SRPX: variants seen among roughly 807,000 people sequenced by gnomAD.
SRPX encodes the protein sushi repeat-containing protein SRPX.
In SRPX, 24 loss-of-function variants were observed where a neutral mutation model predicts 38.1. The observed-to-expected ratio is 0.63, with a 90% CI of 0.46 to 0.89. SRPX has a LOEUF of 0.89. SRPX is among the 40% of genes least tolerant of loss of function. SRPX has a pLI of 0.00. For missense variants in SRPX, 416 were observed against 377.8 expected, an observed-to-expected ratio of 1.10 and a Z score of -0.84; for synonymous variants, 184 against 153.8, an observed-to-expected ratio of 1.20 and a Z score of -1.45.
chrX:38,211,884 AC>A (rs1289323770), intron 1 of SRPX, among the ~76,000 whole-genome samples: 1 of 110,604 alleles, frequency 9.0e-6, no homozygotes, highest in Non-Finnish European at 1.9e-5. Context: ...TTCCTGACTA[AC>A]CCACTGGTCT....
intron 1 of SRPX, among the ~76,000 whole-genome samples, chrX:38,194,863 G>GTTTTTTTTTTTTT (rs35179239): frequency 1.9e-5 from 1 of 53,667 alleles, no homozygotes. Context: ...TTTGTTTTTG[G>GTTTTTTTTTTTTT]TTTTTTTTTT....
intron 1 of SRPX, among the ~76,000 whole-genome samples, chrX:38,181,271 T>G (rs1938667514): frequency 1.8e-5 from 2 of 112,243 alleles, no homozygotes; most frequent in African/African-American, 6.5e-5. Flanking sequence ...CATGGGCAGA[T>G]AGCCCAGCAG....
intron 1 of SRPX, among the ~76,000 whole-genome samples, chrX:38,216,596 T>A (rs1344161831): frequency 2.7e-5 from 3 of 112,501 alleles, no homozygotes; most frequent in African/African-American, 9.7e-5. Flanking sequence ...AATTGGAAGT[T>A]GGGAGAGGTT....
intron 2 of SRPX, among the ~76,000 whole-genome samples, chrX:38,175,126 C>T (rs1938544736): frequency 8.9e-6 from 1 of 112,131 alleles, no homozygotes; most frequent in Admixed American, 9.4e-5. Context: ...GAAATGTTCT[C>T]TTTGAGATCC....
intron 1 of SRPX, among the ~76,000 whole-genome samples, chrX:38,186,729 G>T (rs1455214610): frequency 1.8e-5 from 2 of 111,577 alleles, no homozygotes; most frequent in African/African-American, 6.5e-5. Context: ...GTCCTCAGCT[G>T]ATAGGAGCCA....
chrX:38,190,633 C>T (rs1465001760), intron 1 of SRPX, among the ~76,000 whole-genome samples: 1 of 111,437 alleles, frequency 9.0e-6, no homozygotes, highest in Non-Finnish European at 1.9e-5. Context: ...GACTCAAGCT[C>T]TAGTGGGAAA....
At chrX:38,213,253 G>C (rs1465470319) in intron 1 of SRPX, among the ~76,000 whole-genome samples, 1 of 111,690 alleles carries the variant, frequency 9.0e-6, no homozygotes, top group Admixed American at 9.5e-5. Context: ...TATTTGGGGG[G>C]CAATGAAAAC....
chrX:38,171,750 G>T, intron 4 of SRPX, 131 bp downstream of exon 4: 1 of 598,643 alleles, frequency 1.7e-6, no homozygotes, highest in Non-Finnish European at 2.6e-6. Context: ...AACCAGTGAT[G>T]CTACTGAGAG....
At chrX:38,170,683 C>A (rs1018005231) in intron 4 of SRPX, among the ~76,000 whole-genome samples, 1 of 111,893 alleles carries the variant, frequency 8.9e-6, no homozygotes, top group Non-Finnish European at 1.9e-5. Context: ...AGGTTCCAGG[C>A]GCATCTGGTC....
intron 1 of SRPX, among the ~76,000 whole-genome samples, chrX:38,196,871 T>A (rs940137552): frequency 5.4e-5 from 6 of 111,717 alleles, no homozygotes; most frequent in African/African-American, 1.6e-4. Context: ...GACTCCTGCC[T>A]TTTTTTTGGC....
At chrX:38,171,790 G>C (rs1938474565) in intron 4 of SRPX, 91 bp downstream of exon 4, 1 of 952,402 alleles carries the variant, frequency 1.0e-6, no homozygotes, top group Non-Finnish European at 1.5e-6. Flanking sequence ...CTTACAGGAG[G>C]AATAGTGATG....
At chrX:38,164,301 C>A (rs1257549104) in intron 5 of SRPX, among the ~76,000 whole-genome samples, 1 of 110,060 alleles carries the variant, frequency 9.1e-6, no homozygotes, top group Non-Finnish European at 1.9e-5. Flanking sequence ...TGCCACCATG[C>A]CTGGCTAATT....
intron 4 of SRPX, among the ~76,000 whole-genome samples, chrX:38,171,101 T>C (rs1397482866): frequency 1.8e-5 from 2 of 111,600 alleles, no homozygotes; most frequent in Non-Finnish European, 3.8e-5. Flanking sequence ...TCAGAAACTT[T>C]GCCCTAAAGC....
chrX:38,173,456 C>CT (rs1328657585), intron 3 of SRPX, among the ~76,000 whole-genome samples: 2 of 108,456 alleles, frequency 1.8e-5, no homozygotes, highest in Non-Finnish European at 3.8e-5. Flanking sequence ...CTTTTTTTTT[C>CT]TTTTTTTTTA....
chrX:38,199,536 T>C (rs1444369081), intron 1 of SRPX, among the ~76,000 whole-genome samples: 1 of 111,672 alleles, frequency 9.0e-6, no homozygotes, highest in Non-Finnish European at 1.9e-5. Flanking sequence ...AGAATCCTCA[T>C]CTAGCTCTGC....
intron 1 of SRPX, among the ~76,000 whole-genome samples, chrX:38,198,688 G>T (rs1939044352): frequency 9.0e-6 from 1 of 111,502 alleles, no homozygotes; most frequent in Admixed American, 9.5e-5. Context: ...GGAAGCAAAA[G>T]TATACTGGAG....
Position 38,156,641 on chromosome X carries a change from C to T in SRPX, c.1089+255G>A, listed in dbSNP as rs150301025. ...TTGTTCTGTGGCTAGGCCTGGACAG[C>T]ATGTCAATTAGACTTATTGGTGAAG... On this transcript the variant is annotated intron_variant, in intron 8 of 9. Coordinates refer to ENST00000378533, the MANE Select transcript of SRPX (RefSeq NM_006307.5). Among the ~76,000 whole-genome samples, 233 of 112,511 alleles carry T rather than the reference C, an allele frequency of 2.1e-3. 1 individual carries two copies. Among genetic ancestry groups the T allele is most frequent in the African/African-American group, 7.0e-3 (216 of 30,977 alleles).
In SRPX at chrX:38,177,867, C is replaced by A. The variant is rs183913499; in HGVS notation, c.157+418G>T. ...CTCAGAAAGAGCACGATGAAATGAG[C>A]TTATGAAAATCAAGTTTTCTCCTTC... On this transcript the variant is annotated intron_variant, in intron 2 of 9. Transcript: ENST00000378533. Among the ~76,000 whole-genome samples, 6 of 112,207 alleles carry A rather than the reference C, an allele frequency of 5.3e-5. No homozygotes were observed. In the Admixed American group the frequency reaches 5.7e-4, roughly 11 times the overall value.
At chrX:38,201,318 G>A (rs1372551500) in intron 1 of SRPX, among the ~76,000 whole-genome samples, 1 of 109,795 alleles carries the variant, frequency 9.1e-6, no homozygotes, top group Non-Finnish European at 1.9e-5. Context: ...AAGAAACAAA[G>A]GGAGAAAGAA....
Sources: allele counts gnomAD v4.1 joint callset (sites outside exome capture counted in the v4.1 genomes callset), GRCh38; gene constraint gnomAD v4.1.1; transcripts MANE v1.5; gene names NCBI Gene and HGNC (gene_info 2026-07-23, HGNC 2026-07-21).